ZNF385D: variants seen among roughly 807,000 people sequenced by gnomAD.
ZNF385D encodes zinc finger protein 385D.
In ZNF385D, 15 loss-of-function variants were observed where a neutral mutation model predicts 35.8. The observed-to-expected ratio is 0.42, with a 90% CI of 0.28 to 0.64. ZNF385D has a LOEUF of 0.64. Among genes scored for constraint, ZNF385D ranks in the 30% least tolerant of loss-of-function variants. ZNF385D has a pLI of 0.23. For missense variants in ZNF385D, 474 were observed against 494.6 expected, an observed-to-expected ratio of 0.96 and a Z score of 0.39; for synonymous variants, 212 against 186.8, an observed-to-expected ratio of 1.13 and a Z score of -1.10.
At chr3:22,008,416 G>C (rs947028547) in intron 3 of ZNF385D, among the ~76,000 whole-genome samples, 1 of 143,102 alleles carries the variant, frequency 7.0e-6, no homozygotes, top group Non-Finnish European at 1.5e-5. Context: ...GCAGTGGCCC[G>C]ATCTCGGCTC....
At chr3:22,169,482 T>C (rs1317349239) in intron 2 of ZNF385D, among the ~76,000 whole-genome samples, 6 of 152,226 alleles carry the variant, frequency 3.9e-5, no homozygotes, top group South Asian at 2.1e-4. Flanking sequence ...TTAGATTATT[T>C]TGTTTTAATT....
chr3:21,719,670 C>T (rs1338056309), intron 1 of ZNF385D, among the ~76,000 whole-genome samples: 1 of 152,190 alleles, frequency 6.6e-6, no homozygotes, highest in Non-Finnish European at 1.5e-5. Flanking sequence ...TTTCCACCCC[C>T]TCATGAATAA....
chr3:21,652,491 T>C (rs1055110189), intron 2 of ZNF385D, among the ~76,000 whole-genome samples: 3 of 152,164 alleles, frequency 2.0e-5, no homozygotes, highest in African/African-American at 7.2e-5. Flanking sequence ...ATTATTATTA[T>C]ACTTTAAGTT....
intron 2 of ZNF385D, among the ~76,000 whole-genome samples, chr3:22,353,682 T>C (rs887008744): frequency 5.9e-5 from 9 of 152,174 alleles, no homozygotes; most frequent in African/African-American, 2.2e-4. Context: ...TAACTCATGG[T>C]GATTTCAATA....
chr3:21,825,117 T>C (rs1358041968), intron 3 of ZNF385D, among the ~76,000 whole-genome samples: 1 of 152,210 alleles, frequency 6.6e-6, no homozygotes, highest in African/African-American at 2.4e-5. Flanking sequence ...TTATTTCTAA[T>C]GTTAAATATT....
At chr3:21,974,145 G>C (rs1703447190) in intron 3 of ZNF385D, among the ~76,000 whole-genome samples, 1 of 151,928 alleles carries the variant, frequency 6.6e-6, no homozygotes, top group Non-Finnish European at 1.5e-5. Context: ...AACAAAACTT[G>C]AGGAATCACA....
intron 3 of ZNF385D, among the ~76,000 whole-genome samples, chr3:21,931,237 A>G (rs1446412492): frequency 6.6e-6 from 1 of 152,174 alleles, no homozygotes; most frequent in Non-Finnish European, 1.5e-5. Context: ...TAAAATCACA[A>G]TGATATATAA....
intron 3 of ZNF385D, among the ~76,000 whole-genome samples, chr3:21,834,744 G>A (rs555599490): frequency 2.0e-5 from 3 of 146,536 alleles, no homozygotes; most frequent in African/African-American, 7.7e-5. Flanking sequence ...CCCACGTGTC[G>A]ACAGTGGGAT....
chr3:22,321,340 A>G (rs1218050140), intron 2 of ZNF385D, among the ~76,000 whole-genome samples: 3 of 151,708 alleles, frequency 2.0e-5, no homozygotes, highest in Admixed American at 6.6e-5. Context: ...GATTCAGTCT[A>G]TATATATGTG....
intron 3 of ZNF385D, among the ~76,000 whole-genome samples, chr3:21,830,877 A>T (rs1694949036): frequency 6.6e-6 from 1 of 152,224 alleles, no homozygotes; most frequent in Admixed American, 6.5e-5. Flanking sequence ...CATTTATGCC[A>T]TTGATCCAAT....
chr3:21,576,573 A>C (rs1239246837), intron 2 of ZNF385D, among the ~76,000 whole-genome samples: 3 of 152,160 alleles, frequency 2.0e-5, no homozygotes, highest in African/African-American at 7.2e-5. Flanking sequence ...TACCAACGCA[A>C]TTTGTCAGTT....
chr3:21,674,727 C>G (rs1259957851), intron 1 of ZNF385D, among the ~76,000 whole-genome samples: 3 of 152,082 alleles, frequency 2.0e-5, no homozygotes, highest in African/African-American at 4.8e-5. Flanking sequence ...CTGCTCTGGC[C>G]TGCACAGGCT....
chr3:21,870,135 T>C (rs374068647), intron 3 of ZNF385D, among the ~76,000 whole-genome samples: 1 of 152,120 alleles, frequency 6.6e-6, no homozygotes, highest in East Asian at 1.9e-4. Flanking sequence ...AAGGAAAAAA[T>C]TGTATATAAA....
intron 3 of ZNF385D, among the ~76,000 whole-genome samples, chr3:21,876,181 CA>C (rs1327117516): frequency 1.3e-5 from 2 of 149,200 alleles, no homozygotes; most frequent in Non-Finnish European, 3.0e-5. Context: ...AACAAACAAA[CA>C]AAAAACCTGA....
intron 1 of ZNF385D, among the ~76,000 whole-genome samples, chr3:21,694,624 G>A (rs1290646741): frequency 6.6e-6 from 1 of 152,180 alleles, no homozygotes; most frequent in Non-Finnish European, 1.5e-5. Flanking sequence ...GGTGAACTAT[G>A]GTGAAGTAAT....
Position 22,159,055 on chromosome 3 carries a change from G to A in ZNF385D, c.325+9762C>T, listed in dbSNP as rs142301079. Among the ~76,000 whole-genome samples, 15 of 152,052 alleles carry A rather than the reference G, an allele frequency of 9.9e-5. No individual in the cohort carries two copies. The East Asian group carries it at 2.5e-3, about 26-fold the overall frequency. On this transcript the variant is annotated intron_variant, in intron 3 of 5. Coordinates refer to the ZNF385D transcript ENST00000494108. ...GGACTGGAAGATGTTGTCGGTGGACGTGATTAGTAACTGAAAGAGGTAAAA... is the reference window on the plus strand; with the variant it reads ...GGACTGGAAGATGTTGTCGGTGGACATGATTAGTAACTGAAAGAGGTAAAA...
intron 2 of ZNF385D, among the ~76,000 whole-genome samples, chr3:22,305,481 T>G (rs1402731742): frequency 6.6e-6 from 1 of 152,182 alleles, no homozygotes; most frequent in African/African-American, 2.4e-5. Context: ...TCCTAACTCA[T>G]GTTCACATTA....
chr3:22,129,785 G>A (rs1206804115), intron 3 of ZNF385D, among the ~76,000 whole-genome samples: 1 of 152,162 alleles, frequency 6.6e-6, no homozygotes, highest in African/African-American at 2.4e-5. Context: ...AAGCCTGGAA[G>A]TAGGGCATTT....
chr3:22,185,590 CCT>C (rs771618378), intron 2 of ZNF385D, among the ~76,000 whole-genome samples: 2 of 152,142 alleles, frequency 1.3e-5, no homozygotes, highest in Non-Finnish European at 2.9e-5. Context: ...ACCTCAGCCC[CCT>C]GAGTAGCTGG....
Sources: gnomAD v4.1 joint callset for allele counts (sites outside exome capture counted in the v4.1 genomes callset) on GRCh38, gnomAD v4.1.1 for gene constraint, MANE v1.5 for transcripts, NCBI Gene and HGNC (gene_info 2026-07-23, HGNC 2026-07-21) for gene names.